SRGAP3: variants seen among roughly 807,000 people sequenced by gnomAD.
The protein encoded by SRGAP3 is SLIT-ROBO Rho GTPase-activating protein 3.
A neutral mutation model predicts 121.1 loss-of-function variants in SRGAP3; 39 were observed. The observed-to-expected ratio is 0.32, with a 90% CI of 0.25 to 0.42. The LOEUF is 0.42. Among genes scored for constraint, SRGAP3 ranks in the 10% least tolerant of loss-of-function variants. The pLI is 1.00. For synonymous variants in SRGAP3, 601 were observed against 570.0 expected (o/e 1.05, Z -0.77); for missense variants, 1,213 against 1,470.6 (o/e 0.82, Z 2.86).
chr3:9,228,091 A>G (rs941083007), intron 1 of SRGAP3, among the ~76,000 whole-genome samples: 2 of 152,132 alleles, frequency 1.3e-5, no homozygotes, highest in Non-Finnish European at 2.9e-5. Flanking sequence ...CCTAATCCAA[A>G]GGTGGCAAAC....
At chr3:9,205,234 G>T (rs1448523889) in intron 1 of SRGAP3, among the ~76,000 whole-genome samples, 3 of 152,214 alleles carry the variant, frequency 2.0e-5, no homozygotes, top group African/African-American at 4.8e-5. Flanking sequence ...TTAATGTTAA[G>T]ATATATTTTC....
chr3:9,285,615 G>A (rs994893360), intron 3 of SRGAP3, among the ~76,000 whole-genome samples: 5 of 151,984 alleles, frequency 3.3e-5, no homozygotes, highest in African/African-American at 9.7e-5. Context: ...ATACTTGTCC[G>A]TATCTGTCCA....
chr3:9,303,187 G>A (rs1955097753), intron 3 of SRGAP3, among the ~76,000 whole-genome samples: 1 of 152,108 alleles, frequency 6.6e-6, no homozygotes, highest in South Asian at 2.1e-4. Flanking sequence ...CACTTTGGGA[G>A]GCCTAGGCGG....
intron 1 of SRGAP3, among the ~76,000 whole-genome samples, chr3:9,191,168 A>AG (rs1491229949): frequency 6.6e-6 from 1 of 152,130 alleles, no homozygotes; most frequent in African/African-American, 2.4e-5. Flanking sequence ...TCACCACTTT[A>AG]GAGAGACTGG....
At position 9,124,730 on chromosome 3, in the gene SRGAP3, C is replaced by T. The variant is rs780448251; in HGVS notation, c.255G>A (p.Gln85=). The T allele has an allele frequency of 6.2e-7, 1 of 1,614,108 alleles. No individual in the cohort carries two copies. Among genetic ancestry groups the T allele is most frequent in the South Asian group, 1.1e-5 (1 of 91,086 alleles). Residue 85 remains glutamine (Q), a synonymous_variant, in exon 2 of 22, where the codon CAG becomes CAA. Coordinates refer to ENST00000383836, the MANE Select transcript of SRGAP3 (RefSeq NM_014850.4). Reference sequence around the variant, plus strand: ...ACCCATACCCAACTTCTTACTTGAACTGGTGCTCCCGGGAGCTGCGGATTT... The same window carrying T: ...ACCCATACCCAACTTCTTACTTGAATTGGTGCTCCCGGGAGCTGCGGATTT... ...SSKIRSSREH[Q]FKKDQYLLSP...
intron 8 of SRGAP3, 121 bp from the exon 9 acceptor site, chr3:9,053,345 A>G (rs879932224): frequency 2.6e-5 from 26 of 999,602 alleles, no homozygotes; most frequent in Non-Finnish European, 3.7e-5. Flanking sequence ...TATAGGCAGA[A>G]CAAAAATAAT....
chr3:9,009,536 A>G (rs1943252761), intron 18 of SRGAP3, among the ~76,000 whole-genome samples: 1 of 152,202 alleles, frequency 6.6e-6, no homozygotes, highest in Non-Finnish European at 1.5e-5. Flanking sequence ...TGATTTTAAA[A>G]GAAATTAAAA....
intron 15 of SRGAP3, 98 bp from the exon 16 acceptor site, chr3:9,013,940 G>A: frequency 3.7e-6 from 4 of 1,079,036 alleles, no homozygotes; most frequent in Non-Finnish European, 5.6e-6. Flanking sequence ...CCACGTGGAT[G>A]GGGGAGCCAG....
intron 9 of SRGAP3, among the ~76,000 whole-genome samples, chr3:9,051,022 T>TA (rs1560010753): frequency 1.8e-5 from 2 of 109,316 alleles, no homozygotes; most frequent in African/African-American, 6.8e-5. Context: ...CATTGCTTTT[T>TA]TTTTTTTTTT....
chr3:9,347,196 T>G (rs954305636), intron 1 of SRGAP3, among the ~76,000 whole-genome samples: 3 of 152,078 alleles, frequency 2.0e-5, no homozygotes, highest in African/African-American at 4.8e-5. Flanking sequence ...GACAGGGTAT[T>G]GCTCTGCTGC....
At chr3:9,234,965 G>A (rs1440068721) in intron 1 of SRGAP3, among the ~76,000 whole-genome samples, 1 of 152,144 alleles carries the variant, frequency 6.6e-6, no homozygotes, top group Non-Finnish European at 1.5e-5. Context: ...GGGATGGGAA[G>A]GGGGAAATTC....
intron 3 of SRGAP3, among the ~76,000 whole-genome samples, chr3:9,275,542 T>G (rs1954555604): frequency 6.6e-6 from 1 of 152,182 alleles, no homozygotes; most frequent in Non-Finnish European, 1.5e-5. Context: ...CCATATGTTG[T>G]GGGAGGGATG....
chr3:9,002,540 A>G (rs955128575), intron 18 of SRGAP3, among the ~76,000 whole-genome samples: 10 of 152,182 alleles, frequency 6.6e-5, no homozygotes, highest in Admixed American at 4.6e-4. Context: ...ACTGGAAAAA[A>G]AAGTGCAAAC....
chr3:9,290,476 G>A (rs1446573116), intron 3 of SRGAP3, among the ~76,000 whole-genome samples: 2 of 152,150 alleles, frequency 1.3e-5, no homozygotes, highest in East Asian at 1.9e-4. Context: ...GCAATGAGGG[G>A]CCCTAAATGT....
chr3:9,025,512 G>A (rs1224458815), intron 13 of SRGAP3, among the ~76,000 whole-genome samples, 174 bp from the exon 14 acceptor site: 4 of 152,138 alleles, frequency 2.6e-5, no homozygotes, highest in Non-Finnish European at 5.9e-5. Flanking sequence ...GTAAAGTACA[G>A]CTGGCCAAAA....
At chr3:9,122,640 C>T (rs1194369003) in intron 2 of SRGAP3, among the ~76,000 whole-genome samples, 1 of 145,204 alleles carries the variant, frequency 6.9e-6, no homozygotes, top group East Asian at 2.1e-4. Flanking sequence ...ACCTGGGAGG[C>T]GGAGCTTGCA....
chr3:9,287,560 C>A (rs1347331826), intron 3 of SRGAP3, among the ~76,000 whole-genome samples: 1 of 152,104 alleles, frequency 6.6e-6, no homozygotes, highest in Non-Finnish European at 1.5e-5. Context: ...ACAATGGCCA[C>A]ACATGAACTC....
chr3:9,066,013 C>T (rs1053122055), intron 4 of SRGAP3, among the ~76,000 whole-genome samples: 3 of 152,088 alleles, frequency 2.0e-5, no homozygotes, highest in Non-Finnish European at 2.9e-5. Flanking sequence ...TGTCCAAGCT[C>T]GTCTCAAACT....
intron 2 of SRGAP3, among the ~76,000 whole-genome samples, chr3:9,115,998 C>T (rs1948791705): frequency 6.6e-6 from 1 of 152,214 alleles, no homozygotes; most frequent in Admixed American, 6.5e-5. Context: ...CTGAGACTTT[C>T]TCCTCCAGGC....
Sources: gnomAD v4.1 joint callset for allele counts (sites outside exome capture counted in the v4.1 genomes callset) on GRCh38, gnomAD v4.1.1 for gene constraint, MANE v1.5 for transcripts, NCBI Gene and HGNC (gene_info 2026-07-23, HGNC 2026-07-21) for gene names.